The following WDR64 variants were observed in gnomAD, a reference collection of about 807,000 sequenced individuals.
WDR64 encodes the protein WD repeat domain 64.
WDR64 carries 112 observed loss-of-function variants against 139.3 expected under a neutral mutation model. The ratio of observed to expected loss-of-function variants is 0.80; its 90% CI spans 0.69 to 0.94. WDR64 has a LOEUF of 0.94. WDR64 is among the 40% of genes least tolerant of loss of function. The pLI, the probability that WDR64 is intolerant of heterozygous loss-of-function variation, is 0.00. For missense variants in WDR64, 1,206 were observed against 1,293.1 expected, an observed-to-expected ratio of 0.93 and a Z score of 1.03; for synonymous variants, 444 against 437.7, an observed-to-expected ratio of 1.01 and a Z score of -0.18.
chr1:241,801,808 T>C lies in WDR64; in HGVS notation c.*593T>C, dbSNP rs1659531714. 1 of 398,034 alleles carries C rather than the reference T, an allele frequency of 2.5e-6. No homozygotes were observed. Among genetic ancestry groups the C allele is most frequent in the South Asian group, 1.3e-4 (1 of 7,854 alleles). The allele number at this position is 398,034 out of a possible 1,614,324, so 24.7% of individuals were successfully genotyped here. On this transcript the variant is annotated 3_prime_UTR_variant, in exon 28 of 28. Transcript: ENST00000437684. ...CAAAGAAAGGAAGAAAAATGGGTCA[T>C]AGAAATAGAAAAAGCATAGTAACAT...
At chr1:241,724,315 T>G (rs1668720020) in intron 10 of WDR64, among the ~76,000 whole-genome samples, 1 of 152,190 alleles carries the variant, frequency 6.6e-6, no homozygotes, top group South Asian at 2.1e-4. Flanking sequence ...CTAGAAACTT[T>G]GGAAGATATA....
At chr1:241,660,416 G>A in intron 1 of WDR64, 114 bp from the exon 2 acceptor site, 2 of 1,324,930 alleles carry the variant, frequency 1.5e-6, no homozygotes, top group East Asian at 2.5e-5. Flanking sequence ...AATATATCTG[G>A]TTTTTATAGA....
intron 8 of WDR64, among the ~76,000 whole-genome samples, chr1:241,705,332 G>A (rs1302800186): frequency 1.3e-5 from 2 of 151,992 alleles, no homozygotes; most frequent in Admixed American, 6.6e-5. Context: ...ATGAGGTCAG[G>A]AGATCGAGAC....
At chr1:241,663,374 G>T (rs1487166152) in intron 2 of WDR64, among the ~76,000 whole-genome samples, 1 of 152,134 alleles carries the variant, frequency 6.6e-6, no homozygotes, top group East Asian at 1.9e-4. Context: ...CTCACATATG[G>T]GCACCCCGGC....
rs558531452 is a variant in WDR64, at chr1:241,768,129, T to A, written c.2082-1275T>A. 1.4e-4 allele frequency among the ~76,000 whole-genome samples: 21 copies of A among 152,306 alleles called. No individual in the cohort carries two copies. The East Asian group carries it at 1.9e-3, about 14-fold the overall frequency. Reference sequence around the variant, plus strand: ...AATAATCCCACTTTAAAGGTGAAGATCCTCCTTGTTAAAGTGCCTTGTTAT... The same window carrying A: ...AATAATCCCACTTTAAAGGTGAAGAACCTCCTTGTTAAAGTGCCTTGTTAT... On this transcript the variant is annotated intron_variant, in intron 16 of 27. Transcript: ENST00000437684.
At chr1:241,785,830 G>C (rs1659015777) in intron 23 of WDR64, among the ~76,000 whole-genome samples, 1 of 152,172 alleles carries the variant, frequency 6.6e-6, no homozygotes, top group Non-Finnish European at 1.5e-5. Flanking sequence ...TGGGATGCAG[G>C]ACAGGTGATC....
chr1:241,684,818 C>T (rs926631756), intron 7 of WDR64, among the ~76,000 whole-genome samples: 3 of 152,156 alleles, frequency 2.0e-5, no homozygotes, highest in East Asian at 1.9e-4. Flanking sequence ...AGTTCAGTGG[C>T]GCAGTCTCGG....
rs76759572 is a variant in WDR64, at chr1:241,678,556, G to A, written c.513+340G>A. 9.0e-3 allele frequency among the ~76,000 whole-genome samples: 1,370 copies of A among 152,134 alleles called. 16 individuals are homozygous for A. Among genetic ancestry groups the A allele is most frequent in the African/African-American group, 0.031 (1,289 of 41,502 alleles). ...ACCTAAGTTGTAAGAATAAGGAGGT[G>A]GCCCATGGAAATAGTTAGAAAATAT... On this transcript the variant is annotated intron_variant, in intron 5 of 27. Transcript: ENST00000437684.
At chr1:241,697,329 C>T (rs1452417865) in intron 8 of WDR64, among the ~76,000 whole-genome samples, 2 of 152,168 alleles carry the variant, frequency 1.3e-5, no homozygotes, top group Admixed American at 6.5e-5. Context: ...TCTGGCCGTA[C>T]CTATTCTTCT....
intron 10 of WDR64, among the ~76,000 whole-genome samples, chr1:241,726,042 C>G (rs1574045357): frequency 8.1e-6 from 1 of 123,704 alleles, no homozygotes; most frequent in South Asian, 2.9e-4. Flanking sequence ...GTAGAGAGCT[C>G]TCTTTTTTTT....
At chr1:241,668,969 C>A (rs962766106) in intron 2 of WDR64, among the ~76,000 whole-genome samples, 1 of 151,792 alleles carries the variant, frequency 6.6e-6, no homozygotes, top group African/African-American at 2.4e-5. Context: ...ATTAACATAT[C>A]ATTTATTTTT....
rs149206231 is a variant in WDR64, at chr1:241,675,087, A to C, written c.483+340A>C. On this transcript the variant is annotated intron_variant, in intron 4 of 27. Coordinates refer to ENST00000437684, the MANE Select transcript of WDR64 (RefSeq NM_001367482.1). Reference sequence around the variant, plus strand: ...TCCTCCTTCCTGCCTCCCTCCCTTCATCCTTCCTCCCTCCCTCCTTCCTTC... The same window carrying C: ...TCCTCCTTCCTGCCTCCCTCCCTTCCTCCTTCCTCCCTCCCTCCTTCCTTC... Among the ~76,000 whole-genome samples the C allele has an allele frequency of 2.5e-3, 45 of 17,954 alleles. 1 individual carries two copies. The highest frequency in any genetic ancestry group is 8.1e-3 in the South Asian group (2 of 246). The allele number at this position is 17,954 out of a possible 152,430, so 11.8% of individuals were successfully genotyped here.
chr1:241,780,957 C>T (rs751457996), intron 22 of WDR64, among the ~76,000 whole-genome samples: 10 of 152,120 alleles, frequency 6.6e-5, no homozygotes, highest in Admixed American at 2.6e-4. Context: ...TTGAGAAACA[C>T]GAAGTTTCAT....
intron 5 of WDR64, among the ~76,000 whole-genome samples, chr1:241,678,754 A>G (rs1666657897): frequency 1.4e-5 from 2 of 146,234 alleles, no homozygotes; most frequent in Admixed American, 1.4e-4. Flanking sequence ...GGACTTTTTC[A>G]TTGCTTGCAT....
rs1394703025 is a variant in WDR64 at position 241,769,444 on chromosome 1, C to A, written c.2122C>A (p.His708Asn). 1 of 1,551,484 alleles carries A rather than the reference C, an allele frequency of 6.4e-7. No individual in the cohort carries two copies. The highest frequency in any genetic ancestry group is 1.2e-5 in the South Asian group (1 of 84,056). Residue 708 changes from histidine to asparagine, a missense_variant, in exon 17 of 28, where the codon CAT (histidine) becomes AAT (asparagine). His to Asn is a moderately conservative substitution (Grantham distance 68, BLOSUM62 1). Coordinates refer to ENST00000437684, the MANE Select transcript of WDR64 (RefSeq NM_001367482.1). Reference protein sequence around the residue: ...EDCFTVNPDLHPKHFKINDIL... With the variant: ...EDCFTVNPDLNPKHFKINDIL... ...TTGCTTCACTGTAAACCCTGACTTG[C>A]ATCCCAAGCACTTTAAAATTAATGA...
At chr1:241,720,588 G>A (rs913323633) in intron 9 of WDR64, among the ~76,000 whole-genome samples, 12 of 151,894 alleles carry the variant, frequency 7.9e-5, no homozygotes, top group Non-Finnish European at 4.4e-5. Context: ...TTTTTTGGCC[G>A]CATAAATGTC....
chr1:241,720,526 G>T (rs1668567190), intron 9 of WDR64, among the ~76,000 whole-genome samples: 1 of 152,016 alleles, frequency 6.6e-6, no homozygotes, highest in Non-Finnish European at 1.5e-5. Context: ...TCTCATTGTG[G>T]TTTTGATTTG....
chr1:241,797,900 CTT>C (rs747314384), intron 27 of WDR64, among the ~76,000 whole-genome samples: 1 of 152,014 alleles, frequency 6.6e-6, no homozygotes, highest in African/African-American at 2.4e-5. Context: ...TATTTGCACT[CTT>C]ATTTAAATTT....
chr1:241,655,397 C>T lies in WDR64; in HGVS notation c.145+2768C>T, dbSNP rs145500892. Among the ~76,000 whole-genome samples, 20 of 152,144 alleles carry T rather than the reference C, an allele frequency of 1.3e-4. No individual in the cohort carries two copies. In the East Asian group the frequency reaches 3.7e-3, roughly 28 times the overall value. On this transcript the variant is annotated intron_variant, in intron 1 of 27. Transcript: ENST00000437684. ...GAGAGAGACTCTGTCCCCCCTCACC[C>T]CCCAAAAAATAGTCTTTTTGCCAAG... is the stretch of plus-strand genomic sequence containing the variant.
Sources: gnomAD v4.1 joint callset for allele counts (sites outside exome capture counted in the v4.1 genomes callset) on GRCh38, gnomAD v4.1.1 for gene constraint, MANE v1.5 for transcripts, NCBI Gene and HGNC (gene_info 2026-07-23, HGNC 2026-07-21) for gene names.